PRSS8: variants seen among roughly 807,000 people sequenced by gnomAD.
The protein encoded by PRSS8 is serine protease 8.
PRSS8 carries 11 observed loss-of-function variants against 26.7 expected under a neutral mutation model. The observed-to-expected ratio is 0.41, with a 90% CI of 0.26 to 0.68. PRSS8 has a LOEUF of 0.68. Ranked by LOEUF, PRSS8 falls within the 30% of genes least tolerant of loss-of-function variation. The probability of loss-of-function intolerance (pLI) is 0.30; values close to 1 mark genes in which losing one functional copy is unlikely to be tolerated. For synonymous variants in PRSS8, 183 were observed against 187.0 expected (o/e 0.98, Z 0.17); for missense variants, 362 against 443.5 (o/e 0.82, Z 1.65).
At position 31,132,549 on chromosome 16, in the gene PRSS8, C is replaced by G. The variant is rs758550778; in HGVS notation, c.585G>C (p.Leu195=). ...PKPLQQLEVP[L]ISRETCNCLY... ...GGCAGTTACACGTCTCACGACTGAT[C>G]AGAGGCACCTCGAGTTGCTGCAGTG... The change falls in exon 5 of 6, where the codon CTG becomes CTC. Residue 195 remains leucine, a synonymous_variant. Transcript: ENST00000317508. The surrounding 1 kb of genome is among the most constrained non-coding windows in gnomAD (Gnocchi z 5.2). 1.9e-6 allele frequency: 3 copies of G among 1,614,050 alleles called. No individual in the cohort carries two copies. The Admixed American group carries it at 5.0e-5, about 27-fold the overall frequency.
Sources: gnomAD v4.1 joint callset for allele counts on GRCh38, gnomAD v4.1.1 for gene constraint, Gnocchi (gnomAD v3.1) non-coding constraint, MANE v1.5 for transcripts, NCBI Gene and HGNC (gene_info 2026-07-23, HGNC 2026-07-21) for gene names.